EYA4: variants seen among roughly 807,000 people sequenced by gnomAD.
EYA4 encodes protein phosphatase EYA4.
Under a neutral mutation model 87.9 loss-of-function variants are expected in EYA4, and 31 were observed. The observed-to-expected ratio is 0.35, with a 90% CI of 0.27 to 0.48. EYA4 has a LOEUF of 0.48. EYA4 is among the 20% of genes least tolerant of loss of function. EYA4 has a pLI of 0.99. For synonymous variants in EYA4, 263 were observed against 270.6 expected, an observed-to-expected ratio of 0.97 and a Z score of 0.28; for missense variants, 678 against 761.4, an observed-to-expected ratio of 0.89 and a Z score of 1.29.
At position 133,317,014 on chromosome 6, in the gene EYA4, T is replaced by G. The variant is rs145824605; in HGVS notation, c.33+42201T>G. On this transcript the variant is annotated intron_variant, in intron 2 of 19. Transcript: ENST00000355286. ...GACCATTGAGGCCTCATGTGAATTC[T>G]TTGTCCATTTTGGATCAAAAAAGGA... is the stretch of plus-strand genomic sequence containing the variant. 2.0e-3 allele frequency among the ~76,000 whole-genome samples: 304 copies of G among 152,326 alleles called. 2 individuals carry two copies. The highest frequency in any genetic ancestry group is 5.1e-3 in the African/African-American group (214 of 41,590).
chr6:133,285,970 A>G (rs1778022474), intron 2 of EYA4, among the ~76,000 whole-genome samples: 1 of 152,092 alleles, frequency 6.6e-6, no homozygotes. Context: ...GTTTTCACCA[A>G]CCCTCTTTCA....
At chr6:133,461,304 A>G (rs535346702) in intron 7 of EYA4, 124 bp downstream of exon 7, 1 of 755,734 alleles carries the variant, frequency 1.3e-6, no homozygotes, top group Non-Finnish European at 2.4e-6. Context: ...CAAATTTGAA[A>G]TGGAGACACC....
chr6:133,382,544 C>T, intron 3 of EYA4, 103 bp downstream of exon 3: 1 of 847,484 alleles, frequency 1.2e-6, no homozygotes. Context: ...AAACATTGAG[C>T]TTCTTGAAGA....
At chr6:133,281,462 C>G (rs1445490690) in intron 2 of EYA4, among the ~76,000 whole-genome samples, 2 of 152,178 alleles carry the variant, frequency 1.3e-5, no homozygotes, top group East Asian at 1.9e-4. Context: ...ATTTGACTTT[C>G]TATATCTGAG....
chr6:133,292,323 A>G (rs904061826), intron 2 of EYA4, among the ~76,000 whole-genome samples: 1 of 152,186 alleles, frequency 6.6e-6, no homozygotes, highest in African/African-American at 2.4e-5. Context: ...TTTTACACCA[A>G]TTGCGTCTGG....
rs575446042 is a variant in EYA4 at position 133,343,754 on chromosome 6, A to C, written c.34-38638A>C. Among the ~76,000 whole-genome samples, 279 of 152,132 alleles carry C rather than the reference A, an allele frequency of 1.8e-3. 3 individuals carry two copies. Among genetic ancestry groups the C allele is most frequent in the Middle Eastern group, 0.01 (3 of 294 alleles). The stretch of plus-strand genomic sequence containing the variant: ...GATAGTGGTTCCTGTTTCAAAATAG[A>C]AAAGGAAGAGTGAGATATGGGTTAA... On this transcript the variant is annotated intron_variant, in intron 2 of 19. Coordinates refer to ENST00000355286, the MANE Select transcript of EYA4 (RefSeq NM_004100.5).
Position 133,461,109 on chromosome 6 carries a change from T to TA in EYA4, c.371-4dup. 1 of 1,607,182 alleles carries TA rather than the reference T, an allele frequency of 6.2e-7. No individual in the cohort carries two copies. Among genetic ancestry groups the TA allele is most frequent in the Non-Finnish European group, 8.5e-7 (1 of 1,173,768 alleles). The stretch of plus-strand genomic sequence containing the variant: ...TTGGTGCACTGGTATTTTTGTGTCT[T>TA]ACAGTAATTACAAGTAGTGGCTACA... On this transcript the variant is annotated splice_region_variant and splice_polypyrimidine_tract_variant and intron_variant, in intron 6 of 19. Transcript: ENST00000355286.
intron 2 of EYA4, among the ~76,000 whole-genome samples, chr6:133,296,794 G>A: frequency 6.6e-6 from 1 of 151,886 alleles, no homozygotes; most frequent in East Asian, 1.9e-4. Flanking sequence ...TCATCTATCA[G>A]GTGTCCATTT....
At chr6:133,422,302 C>T (rs1315305582) in intron 3 of EYA4, among the ~76,000 whole-genome samples, 2 of 152,128 alleles carry the variant, frequency 1.3e-5, no homozygotes, top group South Asian at 2.1e-4. Flanking sequence ...TATTTTAGTA[C>T]ATATTTATGA....
Position 133,481,578 on chromosome 6 carries a change from G to A in EYA4, c.1086G>A (p.Pro362=), listed in dbSNP as rs763081961. ...RGRGRKNNPS[P]PPDSDLERVF... is the part of the protein sequence containing the mutation. ...GAGGCCGGAAAAATAATCCCTCCCC[G>A]CCTCCTGATAGTGACCTGGAGGTAT... Residue 362 remains proline (P), a synonymous_variant, in exon 12 of 20, where the codon CCG becomes CCA. Transcript: ENST00000355286. The A allele has an allele frequency of 7.4e-6, 12 of 1,613,738 alleles. No individual in the cohort carries two copies. The highest frequency in any genetic ancestry group is 3.3e-5 in the South Asian group (3 of 91,078).
At position 133,447,875 on chromosome 6, in the gene EYA4, A is replaced by G. The variant is rs1793010504; in HGVS notation, c.209-236A>G. Among the ~76,000 whole-genome samples the G allele has an allele frequency of 1.3e-5, 2 of 152,216 alleles. 1 individual carries two copies. Among genetic ancestry groups the G allele is most frequent in the South Asian group, 4.1e-4 (2 of 4,832 alleles). On this transcript the variant is annotated intron_variant, in intron 4 of 19. Transcript: ENST00000355286. ...TACATTTAAACCTTAAATTGGGTAC[A>G]AATAATAAAATTTAAAAACTCAAGC... is the stretch of plus-strand genomic sequence containing the variant.
intron 17 of EYA4, among the ~76,000 whole-genome samples, chr6:133,518,732 C>A (rs1272350122): frequency 2.6e-5 from 4 of 152,106 alleles, no homozygotes; most frequent in Non-Finnish European, 5.9e-5. Flanking sequence ...CCAAAATTGA[C>A]CACATACTTG....
chr6:133,517,491 A>G (rs190414060), intron 17 of EYA4, among the ~76,000 whole-genome samples: 2 of 152,182 alleles, frequency 1.3e-5, no homozygotes, highest in East Asian at 3.9e-4. Flanking sequence ...AGAAAGATTT[A>G]TTTGGACTAA....
intron 1 of EYA4, chr6:133,248,898 C>T (rs1170609330): frequency 6.6e-6 from 1 of 150,728 alleles, no homozygotes; most frequent in East Asian, 1.9e-4. Context: ...TTTGTTTTTG[C>T]ATTAACTTTA....
chr6:133,339,161 T>C (rs1342612726), intron 2 of EYA4, among the ~76,000 whole-genome samples: 3 of 152,124 alleles, frequency 2.0e-5, no homozygotes, highest in African/African-American at 7.2e-5. Context: ...TTGGATAGCC[T>C]GTATAGGGAA....
chr6:133,287,625 C>G (rs1318244320), intron 2 of EYA4, among the ~76,000 whole-genome samples: 2 of 147,728 alleles, frequency 1.4e-5, no homozygotes. Flanking sequence ...GCACAAAAGA[C>G]AGAGATGTAT....
intron 11 of EYA4, among the ~76,000 whole-genome samples, chr6:133,478,554 A>G (rs1468327911): frequency 6.6e-6 from 1 of 152,154 alleles, no homozygotes; most frequent in Non-Finnish European, 1.5e-5. Context: ...CCAAACACAT[A>G]TATTTCAATA....
intron 2 of EYA4, among the ~76,000 whole-genome samples, chr6:133,280,640 C>T (rs1223923730): frequency 6.6e-6 from 1 of 152,090 alleles, no homozygotes; most frequent in Non-Finnish European, 1.5e-5. Context: ...TCATGATCTG[C>T]CTCGTTGGCC....
At chr6:133,512,414 A>T (rs533774721) in intron 14 of EYA4, among the ~76,000 whole-genome samples, 1 of 152,348 alleles carries the variant, frequency 6.6e-6, no homozygotes, top group Admixed American at 6.5e-5. Context: ...TCAAATGCTT[A>T]TGAAGATTCA....
Sources: gnomAD v4.1 joint callset for allele counts (sites outside exome capture counted in the v4.1 genomes callset) on GRCh38, gnomAD v4.1.1 for gene constraint, MANE v1.5 for transcripts, NCBI Gene and HGNC (gene_info 2026-07-23, HGNC 2026-07-21) for gene names.